The following IRAK1BP1 variants were observed in gnomAD, a reference collection of about 807,000 sequenced individuals.
IRAK1BP1 encodes the protein interleukin-1 receptor-associated kinase 1-binding protein 1.
Under a neutral mutation model 28.0 loss-of-function variants are expected in IRAK1BP1, and 24 were observed. That is an observed-to-expected ratio of 0.86 (90% CI 0.62 to 1.20). IRAK1BP1 has a LOEUF of 1.20. Among genes scored for constraint, IRAK1BP1 ranks in the 50% most tolerant of loss-of-function variants. IRAK1BP1 has a pLI of 0.00. For synonymous variants in IRAK1BP1, 131 were observed against 116.3 expected, an observed-to-expected ratio of 1.13 and a Z score of -0.81; for missense variants, 336 against 316.7, an observed-to-expected ratio of 1.06 and a Z score of -0.46.
At chr6:78,907,860 C>T (rs373982784), downstream of IRAK1BP1, among the ~76,000 whole-genome samples, 5 of 151,648 alleles carry the variant, frequency 3.3e-5, no homozygotes, top group East Asian at 7.8e-4. Context: ...GCTGGGACTA[C>T]AGGCGCATGC....
chr6:78,922,736 T>C (rs944214084), intron 4 of IRAK1BP1, among the ~76,000 whole-genome samples: 1 of 152,126 alleles, frequency 6.6e-6, no homozygotes, highest in Non-Finnish European at 1.5e-5. Context: ...CGGCAGAAAC[T>C]CTACAAGCCA....
At chr6:78,920,010 CT>C in intron 4 of IRAK1BP1, among the ~76,000 whole-genome samples, 1 of 152,180 alleles carries the variant, frequency 6.6e-6, no homozygotes, top group Non-Finnish European at 1.5e-5. Flanking sequence ...AATCCCAACA[CT>C]TTGGGAGGCC....
chr6:78,874,975 A>G (rs1263486494), intron 1 of IRAK1BP1, among the ~76,000 whole-genome samples: 1 of 152,206 alleles, frequency 6.6e-6, no homozygotes, highest in Non-Finnish European at 1.5e-5. Context: ...AATGGGAGAA[A>G]ATATTTGCAA....
At position 78,871,496 on chromosome 6, in the gene IRAK1BP1, G is replaced by A. The variant is rs537102992; in HGVS notation, c.315+3605G>A. The A allele has an allele frequency of 2.7e-5, 27 of 985,438 alleles. No individual in the cohort carries two copies. The South Asian group carries it at 1.2e-3, about 43-fold the overall frequency. 61.0% of individuals were successfully genotyped at this position (985,438 alleles called of 1,614,324 possible). A position where few individuals can be genotyped will look rare whatever the true frequency, so the allele number is the denominator to read the frequency against. On this transcript the variant is annotated intron_variant, in intron 1 of 3. Coordinates refer to ENST00000369940, the MANE Select transcript of IRAK1BP1 (RefSeq NM_001010844.4). ...ACACCCAGTAGGAGGTATTCCACAG[G>A]AACAGCAGACGAGAACTTACCTTAC... is the stretch of plus-strand genomic sequence containing the variant.
At chr6:78,941,853 G>C (rs967289816) in intron 4 of IRAK1BP1, among the ~76,000 whole-genome samples, 3 of 152,076 alleles carry the variant, frequency 2.0e-5, no homozygotes, top group Non-Finnish European at 4.4e-5. Context: ...AGATCCCACT[G>C]TAACAAACTC....
intron 4 of IRAK1BP1, among the ~76,000 whole-genome samples, chr6:78,927,047 T>C (rs984561460): frequency 2.0e-5 from 3 of 152,090 alleles, no homozygotes; most frequent in African/African-American, 7.2e-5. Flanking sequence ...ATTTCCTTTT[T>C]TTTTTGGTGT....
At chr6:78,959,546 A>G in the IRAK1BP1 span, among the ~76,000 whole-genome samples, 1 of 152,164 alleles carries the variant, frequency 6.6e-6, no homozygotes, top group Non-Finnish European at 1.5e-5. Flanking sequence ...AACTGTAAGA[A>G]GTCTAACACC....
intron 2 of IRAK1BP1, among the ~76,000 whole-genome samples, chr6:78,890,257 C>G (rs1771595855): frequency 6.6e-6 from 1 of 150,824 alleles, no homozygotes; most frequent in Non-Finnish European, 1.5e-5. Flanking sequence ...ACATCACATA[C>G]CAGGGCCTGT....
chr6:78,930,366 GT>G (rs1773010770), intron 4 of IRAK1BP1, among the ~76,000 whole-genome samples: 1 of 152,060 alleles, frequency 6.6e-6, no homozygotes, highest in East Asian at 1.9e-4. Context: ...TATATATACA[GT>G]TGTTTCTTAT....
intron 4 of IRAK1BP1, among the ~76,000 whole-genome samples, chr6:78,930,290 G>A (rs1208646996): frequency 6.6e-6 from 1 of 151,944 alleles, no homozygotes; most frequent in Non-Finnish European, 1.5e-5. Context: ...AGATCCTCAG[G>A]TATCTTAAAA....
At chr6:78,963,965 G>A in the IRAK1BP1 span, among the ~76,000 whole-genome samples, 1 of 151,680 alleles carries the variant, frequency 6.6e-6, no homozygotes, top group African/African-American at 2.4e-5. Context: ...AACAACAACA[G>A]TAACCACCCT....
chr6:78,872,853 A>C (rs1770837895), intron 1 of IRAK1BP1, among the ~76,000 whole-genome samples: 1 of 152,158 alleles, frequency 6.6e-6, no homozygotes, highest in South Asian at 2.1e-4. Context: ...TTTCTTTTTT[A>C]TCATTTGAAC....
At chr6:78,970,232 G>C in the IRAK1BP1 span, 1 of 1,443,734 alleles carries the variant, frequency 6.9e-7, no homozygotes, top group South Asian at 1.2e-5. Flanking sequence ...AAAATAGACT[G>C]CTAAACATTG....
At chr6:78,931,380 T>C (rs1440677449) in intron 4 of IRAK1BP1, among the ~76,000 whole-genome samples, 2 of 152,120 alleles carry the variant, frequency 1.3e-5, no homozygotes, top group Non-Finnish European at 2.9e-5. Flanking sequence ...GCCACTGCAC[T>C]CCAGTCTGGG....
chr6:78,963,228 G>C, the IRAK1BP1 span: 1 of 1,604,552 alleles, frequency 6.2e-7, no homozygotes, highest in Non-Finnish European at 8.5e-7. Flanking sequence ...AGGAACACTG[G>C]TACCTAGTTC....
At chr6:78,956,210 C>G in the IRAK1BP1 span, 1 of 152,176 alleles carries the variant, frequency 6.6e-6, no homozygotes, top group Admixed American at 6.5e-5. Context: ...GTTCCTTTTT[C>G]TATTTTTCTT....
chr6:78,974,554 CA>C, the IRAK1BP1 span, among the ~76,000 whole-genome samples: 2 of 151,722 alleles, frequency 1.3e-5, no homozygotes, highest in Admixed American at 6.6e-5. Flanking sequence ...AATAGAGACA[CA>C]AAAAACCCTT....
the IRAK1BP1 span, chr6:78,954,674 A>T: frequency 1.8e-6 from 1 of 568,286 alleles, no homozygotes; most frequent in Non-Finnish European, 2.9e-6. Flanking sequence ...TTCTCTATGT[A>T]GCCAAATGGA....
chr6:78,943,989 T>TAAAAAA (rs1424311614), intron 4 of IRAK1BP1, among the ~76,000 whole-genome samples: 2 of 46,852 alleles, frequency 4.3e-5, no homozygotes, highest in African/African-American at 1.4e-4. Context: ...CTGTCTTTTT[T>TAAAAAA]TAAAAAAAAA....
Sources: allele counts gnomAD v4.1 joint callset (sites outside exome capture counted in the v4.1 genomes callset), GRCh38; gene constraint gnomAD v4.1.1; transcripts MANE v1.5; gene names NCBI Gene and HGNC (gene_info 2026-07-23, HGNC 2026-07-21).